The following XPO1 variants were observed in gnomAD, a reference collection of about 807,000 sequenced individuals.
XPO1 encodes exportin-1.
XPO1 carries 5 observed loss-of-function variants against 133.3 expected under a neutral mutation model. The observed-to-expected ratio is 0.04, with a 90% CI of 0.02 to 0.08. The LOEUF (loss-of-function observed/expected upper bound fraction) is 0.08. Ranked by LOEUF, XPO1 falls within the 10% of genes least tolerant of loss-of-function variation. XPO1 has a pLI of 1.00. For missense variants in XPO1, 506 were observed against 1,267.5 expected (o/e 0.40, Z 9.12); for synonymous variants, 419 against 408.2 (o/e 1.03, Z -0.32).
chr2:61,512,067 C>A (rs1307103825), intron 4 of XPO1, among the ~76,000 whole-genome samples: 1 of 152,154 alleles, frequency 6.6e-6, no homozygotes, highest in Admixed American at 6.6e-5. Context: ...TCGCACCAGG[C>A]ATTAAGTATA....
intron 4 of XPO1, among the ~76,000 whole-genome samples, chr2:61,517,392 T>C (rs565297665): frequency 6.6e-6 from 1 of 152,286 alleles, no homozygotes; most frequent in South Asian, 2.1e-4. Context: ...AAGACAAGCC[T>C]GGACAACATA....
At position 61,492,447 on chromosome 2, in the gene XPO1, T is replaced by C. The variant is rs1322676083; in HGVS notation, c.1601A>G (p.Lys534Arg). ...TGATGCAATAATAGCTTTATTATCT[T>C]TGCCTCTTTTCTGTTCACATAATCC... ...LLGLCEQKRG[K>R]DNKAIIASNI... The change falls in exon 15 of 25, where the codon AAA becomes AGA. Residue 534 changes from lysine to arginine, a missense_variant. By Grantham distance (26) the Lys-to-Arg change is conservative. Coordinates refer to ENST00000401558, the MANE Select transcript of XPO1 (RefSeq NM_003400.4). The surrounding 1 kb of genome is among the most constrained non-coding windows in gnomAD (Gnocchi z 5.6). 1 of 1,600,904 alleles carries C rather than the reference T, an allele frequency of 6.2e-7. No homozygotes were observed. The highest frequency in any genetic ancestry group is 8.5e-7 in the Non-Finnish European group (1 of 1,176,546).
rs1697445518 is a variant in XPO1, at chr2:61,500,400, G to A, written c.409-506C>T. ...TCAAGACCAGCCTGGCCAACATGGT[G>A]AAACCCTGTCTCTACTAAAAATACA... On this transcript the variant is annotated intron_variant, in intron 6 of 24. Transcript: ENST00000401558. Among the ~76,000 whole-genome samples, 4 of 151,978 alleles carry A rather than the reference G, an allele frequency of 2.6e-5. No individual in the cohort carries two copies. The South Asian group carries it at 8.3e-4, about 32-fold the overall frequency.
At chr2:61,502,225 A>G (rs766573570) in intron 5 of XPO1, 24 bp downstream of exon 5, 2 of 1,607,426 alleles carry the variant, frequency 1.2e-6, no homozygotes, top group African/African-American at 1.3e-5. Context: ...TGCTCTCCCA[A>G]TAAGCTCCAA....
Position 61,538,247 on chromosome 2 carries a change from C to A in XPO1, c.-692G>T. ...TGCCGCGGCCGCTGCAGCCGCTTCT[C>A]CCCCTCCTCCTAGTGCCTCAAACTC... is the stretch of plus-strand genomic sequence containing the variant. On this transcript the variant is annotated 5_prime_UTR_variant, in exon 1 of 25. Transcript: ENST00000401558. The A allele has an allele frequency of 6.2e-6, 1 of 160,998 alleles. No individual in the cohort carries two copies. Among genetic ancestry groups the A allele is most frequent in the Non-Finnish European group, 1.4e-5 (1 of 73,446 alleles). 10.0% of individuals were successfully genotyped at this position (160,998 alleles called of 1,614,324 possible).
rs1161094799 is a variant in XPO1, at chr2:61,533,965, T to C, written c.-6-62A>G. Reference sequence around the variant, plus strand: ...AGTTTTGGTATTATCAAAAACTTCCTACAAGTTATTTTACTTCAACCATGT... The same window carrying C: ...AGTTTTGGTATTATCAAAAACTTCCCACAAGTTATTTTACTTCAACCATGT... On this transcript the variant is annotated intron_variant, in intron 1 of 24. Coordinates refer to ENST00000401558, the MANE Select transcript of XPO1 (RefSeq NM_003400.4). The C allele has an allele frequency of 3.7e-6, 5 of 1,347,088 alleles. No homozygotes were observed. In the South Asian group the frequency reaches 8.3e-5, roughly 22 times the overall value. 83.4% of individuals were successfully genotyped at this position (1,347,088 alleles called of 1,614,324 possible).
At chr2:61,524,056 TA>T (rs551067925) in intron 3 of XPO1, among the ~76,000 whole-genome samples, 2 of 152,008 alleles carry the variant, frequency 1.3e-5, no homozygotes, top group African/African-American at 2.4e-5. Context: ...GAGAAATATG[TA>T]AAAAAAAGAG....
chr2:61,509,469 C>T (rs536119627), intron 4 of XPO1, among the ~76,000 whole-genome samples: 2 of 152,002 alleles, frequency 1.3e-5, no homozygotes, highest in East Asian at 3.9e-4. Flanking sequence ...TCTACTAAAA[C>T]TACAAAATTA....
chr2:61,499,907 A>G lies in XPO1; in HGVS notation c.409-13T>C, dbSNP rs767801466. 5 of 1,597,478 alleles carry G rather than the reference A, an allele frequency of 3.1e-6. No homozygotes were observed. Among genetic ancestry groups the G allele is most frequent in the Non-Finnish European group, 3.4e-6 (4 of 1,176,200 alleles). ...CTTGTTTCAGTATCTAAAACAAGAC[A>G]TGAAATGTTAATCGCACTTCATTTC... On this transcript the variant is annotated splice_polypyrimidine_tract_variant and intron_variant, in intron 6 of 24. Coordinates refer to ENST00000401558, the MANE Select transcript of XPO1 (RefSeq NM_003400.4).
At chr2:61,512,292 C>G (rs1199999978) in intron 4 of XPO1, among the ~76,000 whole-genome samples, 2 of 152,150 alleles carry the variant, frequency 1.3e-5, no homozygotes, top group Non-Finnish European at 2.9e-5. Context: ...CTGAGTAACA[C>G]TATCAACTTA....
intron 23 of XPO1, 97 bp from the exon 24 acceptor site, chr2:61,481,378 T>G: frequency 4.3e-6 from 3 of 693,758 alleles, no homozygotes; most frequent in Non-Finnish European, 4.5e-6. Flanking sequence ...GCATGATCTC[T>G]GCTCACTGTA....
At chr2:61,504,997 A>G (rs768812791) in intron 4 of XPO1, among the ~76,000 whole-genome samples, 3 of 152,252 alleles carry the variant, frequency 2.0e-5, no homozygotes, top group Admixed American at 2.0e-4. Flanking sequence ...TGAATAGGGA[A>G]ATGGAAAATA....
chr2:61,483,212 CTAA>C (rs1481333027), intron 21 of XPO1, 121 bp from the exon 22 acceptor site: 4 of 1,023,718 alleles, frequency 3.9e-6, no homozygotes, highest in East Asian at 2.5e-5. Context: ...GGGATGATGA[CTAA>C]TAATTACTTG....
chr2:61,485,253 CTTACT>C (rs963080246), intron 20 of XPO1: 20 of 152,466 alleles, frequency 1.3e-4, no homozygotes, highest in African/African-American at 4.8e-4. Context: ...AACATGCAGA[CTTACT>C]TTCTCATTTA....
At chr2:61,487,289 C>A (rs574470415) in intron 19 of XPO1, among the ~76,000 whole-genome samples, 12 of 152,186 alleles carry the variant, frequency 7.9e-5, no homozygotes, top group Non-Finnish European at 1.6e-4. Flanking sequence ...GCTCCCGACA[C>A]GTGCTCAAGC....
At chr2:61,519,013 T>C (rs1382516768) in intron 4 of XPO1, among the ~76,000 whole-genome samples, 2 of 152,166 alleles carry the variant, frequency 1.3e-5, no homozygotes, top group South Asian at 2.1e-4. Flanking sequence ...TGCAATGGCG[T>C]GATCTCAGCT....
intron 4 of XPO1, among the ~76,000 whole-genome samples, chr2:61,505,088 G>A (rs919335598): frequency 2.6e-5 from 4 of 152,184 alleles, no homozygotes; most frequent in Admixed American, 6.5e-5. Context: ...ACAGCTCACT[G>A]CAGCCTTGAA....
intron 19 of XPO1, among the ~76,000 whole-genome samples, chr2:61,486,957 G>A (rs114708231): frequency 0.011 from 1,687 of 151,918 alleles, 35 homozygotes; most frequent in African/African-American, 0.038. Flanking sequence ...TAAGTAAACT[G>A]AGTTATACTT....
At chr2:61,519,028 G>A (rs1191334016) in intron 4 of XPO1, among the ~76,000 whole-genome samples, 1 of 152,014 alleles carries the variant, frequency 6.6e-6, no homozygotes, top group African/African-American at 2.4e-5. Context: ...TCAGCTCACT[G>A]CAACCTCCGC....
Sources: gnomAD v4.1 joint callset for allele counts (sites outside exome capture counted in the v4.1 genomes callset) on GRCh38, gnomAD v4.1.1 for gene constraint, Gnocchi (gnomAD v3.1) non-coding constraint, MANE v1.5 for transcripts, NCBI Gene and HGNC (gene_info 2026-07-23, HGNC 2026-07-21) for gene names.